The following UBXN7 variants were observed in gnomAD, a reference collection of about 807,000 sequenced individuals.
UBXN7 encodes UBX domain protein 7.
UBXN7 carries 9 observed loss-of-function variants against 58.0 expected under a neutral mutation model. The ratio of observed to expected loss-of-function variants is 0.16; its 90% CI spans 0.09 to 0.27. The LOEUF (loss-of-function observed/expected upper bound fraction) is 0.27. UBXN7 is among the 10% of genes least tolerant of loss of function. UBXN7 has a pLI of 1.00. For synonymous variants in UBXN7, 208 were observed against 205.0 expected (o/e 1.01, Z -0.12); for missense variants, 328 against 599.6 (o/e 0.55, Z 4.73).
At chr3:196,368,311 A>G (rs955812985) in intron 7 of UBXN7, among the ~76,000 whole-genome samples, 156 bp from the exon 8 acceptor site, 6 of 152,240 alleles carry the variant, frequency 3.9e-5, no homozygotes, top group African/African-American at 1.4e-4. Flanking sequence ...CTGGATCTAT[A>G]AAGGTAATAT....
In UBXN7 at chr3:196,350,042, G is replaced by A. The variant is rs547304312; in HGVS notation, c.*6643C>T. 2.0e-5 allele frequency: 3 copies of A among 152,252 alleles called. No homozygotes were observed. Among genetic ancestry groups the A allele is most frequent in the East Asian group, 1.9e-4 (1 of 5,192 alleles). The allele number at this position is 152,252 out of a possible 1,614,324, so 9.4% of individuals were successfully genotyped here. ...GCCAAAGAATTAAGTACAATAATGC[G>A]ACTTCTCATATTTATAGATTAATCT... On this transcript the variant is annotated 3_prime_UTR_variant, in exon 11 of 11. Transcript: ENST00000296328.
chr3:196,383,070 C>T (rs533107171), intron 5 of UBXN7, among the ~76,000 whole-genome samples: 34 of 150,688 alleles, frequency 2.3e-4, no homozygotes, highest in Middle Eastern at 3.4e-3. Context: ...GAGCCCAGAT[C>T]GCACCACTGC....
chr3:196,419,798 G>A (rs920045576), intron 1 of UBXN7, among the ~76,000 whole-genome samples: 7 of 152,096 alleles, frequency 4.6e-5, no homozygotes, highest in Admixed American at 2.0e-4. Context: ...TCAGACTTCC[G>A]GCCTCCAGAA....
intron 1 of UBXN7, among the ~76,000 whole-genome samples, chr3:196,419,556 C>A (rs957546897): frequency 7.2e-5 from 11 of 152,194 alleles, no homozygotes; most frequent in Middle Eastern, 3.2e-3. Flanking sequence ...ATCAGTTGTT[C>A]TTAGCGTATC....
chr3:196,413,688 C>A (rs1345075660), intron 1 of UBXN7, among the ~76,000 whole-genome samples: 2 of 152,162 alleles, frequency 1.3e-5, no homozygotes, highest in Non-Finnish European at 2.9e-5. Flanking sequence ...AAGCCCTCAA[C>A]ATCTCTTACA....
At chr3:196,400,185 G>T in intron 3 of UBXN7, 1 of 149,522 alleles carries the variant, frequency 6.7e-6, no homozygotes, top group East Asian at 2.0e-4. Flanking sequence ...CCAGCCTGGG[G>T]CAACACAGCA....
At chr3:196,417,783 G>C (rs1730548103) in intron 1 of UBXN7, among the ~76,000 whole-genome samples, 1 of 147,554 alleles carries the variant, frequency 6.8e-6, no homozygotes, top group South Asian at 2.2e-4. Context: ...AGATTAGCCA[G>C]GCGTGGTGGC....
At chr3:196,424,882 A>G (rs1368462404) in intron 1 of UBXN7, among the ~76,000 whole-genome samples, 1 of 151,686 alleles carries the variant, frequency 6.6e-6, no homozygotes, top group East Asian at 1.9e-4. Context: ...TTGTATTTTT[A>G]GTAGAGACGG....
At chr3:196,387,930 A>G (rs1223439328) in intron 5 of UBXN7, among the ~76,000 whole-genome samples, 1 of 152,176 alleles carries the variant, frequency 6.6e-6, no homozygotes, top group Non-Finnish European at 1.5e-5. Flanking sequence ...TGACCCAGCA[A>G]TCCTATTACT....
chr3:196,375,320 T>C (rs1384320717), intron 5 of UBXN7, among the ~76,000 whole-genome samples: 1 of 151,352 alleles, frequency 6.6e-6, no homozygotes, highest in Non-Finnish European at 1.5e-5. Flanking sequence ...GTTATACATC[T>C]TAAATATGTA....
At chr3:196,410,119 T>C (rs896464584) in intron 1 of UBXN7, among the ~76,000 whole-genome samples, 2 of 152,036 alleles carry the variant, frequency 1.3e-5, no homozygotes, top group Admixed American at 1.3e-4. Context: ...TTTCTATTTT[T>C]AGTAAAGACA....
Position 196,377,001 on chromosome 3 carries a change from G to A in UBXN7, c.469-4959C>T, listed in dbSNP as rs144791289. ...GTTGGGGCTGCAGTGAGCCGAGATCGTGCCACTGCACTCCAGCCTGGGTGA... is the reference window on the plus strand; with the variant it reads ...GTTGGGGCTGCAGTGAGCCGAGATCATGCCACTGCACTCCAGCCTGGGTGA... On this transcript the variant is annotated intron_variant, in intron 5 of 10. Transcript: ENST00000296328. 4.6e-5 allele frequency among the ~76,000 whole-genome samples: 7 copies of A among 150,576 alleles called. No individual in the cohort carries two copies. In the East Asian group the frequency reaches 9.8e-4, roughly 21 times the overall value.
At chr3:196,401,366 TAAATAAA>T (rs1729977661) in intron 3 of UBXN7, among the ~76,000 whole-genome samples, 2 of 122,340 alleles carry the variant, frequency 1.6e-5, no homozygotes, top group South Asian at 5.0e-4. Context: ...ATTAAAAAAA[TAAATAAA>T]AAGGTTTATC....
intron 5 of UBXN7, among the ~76,000 whole-genome samples, chr3:196,377,845 G>A (rs1180212361): frequency 1.3e-5 from 2 of 151,582 alleles, no homozygotes; most frequent in Non-Finnish European, 2.9e-5. Context: ...TAATTTTTTC[G>A]ACTTTTTGTA....
At chr3:196,405,203 G>A (rs1322137101) in intron 2 of UBXN7, among the ~76,000 whole-genome samples, 1 of 152,040 alleles carries the variant, frequency 6.6e-6, no homozygotes, top group Non-Finnish European at 1.5e-5. Context: ...TGCACACAGT[G>A]GCTCACGCCT....
At chr3:196,362,144 C>A in intron 9 of UBXN7, 150 bp downstream of exon 9, 1 of 1,129,732 alleles carries the variant, frequency 8.9e-7, no homozygotes, top group South Asian at 1.6e-5. Flanking sequence ...TAGGCACGTG[C>A]CACCACACCT....
At chr3:196,425,417 CT>C (rs904495702) in intron 1 of UBXN7, among the ~76,000 whole-genome samples, 2 of 151,772 alleles carry the variant, frequency 1.3e-5, no homozygotes, top group East Asian at 3.9e-4. Context: ...GATGTAACTC[CT>C]TTTTTAATAA....
intron 1 of UBXN7, among the ~76,000 whole-genome samples, chr3:196,426,385 C>CAAAA (rs58979892): frequency 8.8e-6 from 1 of 114,204 alleles, no homozygotes; most frequent in Admixed American, 9.1e-5. Flanking sequence ...GACTTCGTCT[C>CAAAA]AAAAAAAAAA....
chr3:196,426,957 TTAA>T (rs1195298976), intron 1 of UBXN7, among the ~76,000 whole-genome samples: 1 of 152,166 alleles, frequency 6.6e-6, no homozygotes, highest in Non-Finnish European at 1.5e-5. Context: ...ATCTGAAAGA[TTAA>T]GGTCTCTTCT....
Sources: gnomAD v4.1 joint callset for allele counts (sites outside exome capture counted in the v4.1 genomes callset) on GRCh38, gnomAD v4.1.1 for gene constraint, MANE v1.5 for transcripts, NCBI Gene and HGNC (gene_info 2026-07-23, HGNC 2026-07-21) for gene names.